Variants in CEP162 observed in about 807,000 individuals in gnomAD.
The protein encoded by CEP162 is centrosomal protein 162.
A neutral mutation model predicts 169.2 loss-of-function variants in CEP162; 141 were observed. The observed-to-expected ratio is 0.83, with a 90% CI of 0.73 to 0.96. The LOEUF (loss-of-function observed/expected upper bound fraction) is 0.96, where lower values mean the gene tolerates loss of function less well. CEP162 is among the 40% of genes least tolerant of loss of function. CEP162 has a pLI of 0.00. For missense variants in CEP162, 1,600 were observed against 1,587.2 expected, an observed-to-expected ratio of 1.01 and a Z score of -0.14; for synonymous variants, 540 against 526.4, an observed-to-expected ratio of 1.03 and a Z score of -0.35.
intron 2 of CEP162, among the ~76,000 whole-genome samples, chr6:84,225,463 G>A (rs559988082): frequency 1.4e-4 from 22 of 152,094 alleles, no homozygotes; most frequent in Admixed American, 2.0e-4. Flanking sequence ...ATAATCTTAC[G>A]GAACCATTGT....
intron 22 of CEP162, among the ~76,000 whole-genome samples, chr6:84,153,743 T>G (rs1733463844): frequency 1.3e-5 from 2 of 152,310 alleles, no homozygotes; most frequent in South Asian, 4.1e-4. Context: ...CAATGGATAT[T>G]TACCAAGTTA....
intron 5 of CEP162, among the ~76,000 whole-genome samples, chr6:84,214,437 T>G (rs2099550763): frequency 6.6e-6 from 1 of 152,210 alleles, no homozygotes; most frequent in African/African-American, 2.4e-5. Context: ...GTACTGCCTT[T>G]GTTCTTTAAT....
Position 84,185,446 on chromosome 6 carries a change from A to G in CEP162, c.1404T>C (p.Thr468=). The change falls in exon 13 of 27, where the codon ACT becomes ACC. Residue 468 remains threonine (T), a splice_region_variant and synonymous_variant. Transcript: ENST00000403245. ...CTTCAGAACTAAGTTGAGATCTGTA[A>G]GTCTGTACACAACAAACAAAAGCTC... ...SLSQDDKINK[T]YRSQLSSEEE... The G allele has an allele frequency of 3.1e-6, 5 of 1,611,948 alleles. No homozygotes were observed. The highest frequency in any genetic ancestry group is 4.2e-6 in the Non-Finnish European group (5 of 1,178,498).
chr6:84,182,313 T>G (rs900640735), intron 13 of CEP162, among the ~76,000 whole-genome samples: 6 of 152,234 alleles, frequency 3.9e-5, no homozygotes, highest in African/African-American at 1.4e-4. Flanking sequence ...AAGCATATAT[T>G]AAGAATTTTT....
intron 2 of CEP162, among the ~76,000 whole-genome samples, chr6:84,222,583 A>T (rs922929104): frequency 6.6e-6 from 1 of 152,238 alleles, no homozygotes; most frequent in Non-Finnish European, 1.5e-5. Flanking sequence ...CTCATGGTGA[A>T]ACTGAAGCTC....
At chr6:84,174,265 C>T (rs920796261) in intron 15 of CEP162, 77 bp from the exon 16 acceptor site, 8 of 1,161,132 alleles carry the variant, frequency 6.9e-6, no homozygotes, top group South Asian at 1.5e-5. Context: ...TAACAGGAAA[C>T]TCCTATTTAG....
In CEP162 at chr6:84,195,092, A is replaced by C. The variant is rs780478677; in HGVS notation, c.836-17T>G. The stretch of plus-strand genomic sequence containing the variant: ...AAGAAACACCTGTTGAAATAAACGT[A>C]ATCACCAGAAATAATTACATCACAA... On this transcript the variant is annotated splice_polypyrimidine_tract_variant and intron_variant, in intron 9 of 26. Transcript: ENST00000403245. The C allele has an allele frequency of 2.0e-6, 3 of 1,521,236 alleles. No individual in the cohort carries two copies. In the South Asian group the frequency reaches 3.7e-5, roughly 19 times the overall value. 94.2% of individuals were successfully genotyped at this position (1,521,236 alleles called of 1,614,324 possible).
At chr6:84,148,225 G>A (rs1360374094) in intron 24 of CEP162, among the ~76,000 whole-genome samples, 2 of 151,712 alleles carry the variant, frequency 1.3e-5, no homozygotes, top group African/African-American at 4.8e-5. Flanking sequence ...TTTTCTCAGC[G>A]ATCTGAAGTT....
chr6:84,150,226 A>AT (rs5877872), intron 23 of CEP162, among the ~76,000 whole-genome samples: 16,140 of 152,140 alleles, frequency 0.11, 1,338 homozygotes, highest in African/African-American at 0.23. Context: ...CAATTAATTA[A>AT]TTGGACTGTA....
chr6:84,216,533 G>A (rs1276283157), intron 3 of CEP162, among the ~76,000 whole-genome samples: 1 of 151,760 alleles, frequency 6.6e-6, no homozygotes, highest in Non-Finnish European at 1.5e-5. Context: ...GGGACGGGAG[G>A]GTATTATAGT....
At chr6:84,224,317 A>G (rs1199337287) in intron 2 of CEP162, among the ~76,000 whole-genome samples, 1 of 152,254 alleles carries the variant, frequency 6.6e-6, no homozygotes, top group Non-Finnish European at 1.5e-5. Flanking sequence ...TACAATTTCT[A>G]TGAAATGTCT....
intron 25 of CEP162, 83 bp from the exon 26 acceptor site, chr6:84,126,595 A>C: frequency 1.9e-6 from 2 of 1,039,470 alleles, no homozygotes; most frequent in Non-Finnish European, 1.3e-6. Context: ...TATTTGTATA[A>C]AATTTCTCTA....
intron 13 of CEP162, among the ~76,000 whole-genome samples, chr6:84,181,390 A>G (rs2099534759): frequency 6.6e-6 from 1 of 152,220 alleles, no homozygotes; most frequent in Non-Finnish European, 1.5e-5. Context: ...ACGTAAAACC[A>G]TAAAAACCCT....
intron 25 of CEP162, among the ~76,000 whole-genome samples, chr6:84,144,310 G>A (rs1040122748): frequency 6.6e-6 from 1 of 151,980 alleles, no homozygotes; most frequent in Non-Finnish European, 1.5e-5. Flanking sequence ...TGTTCCAGAA[G>A]TTGTATACAA....
chr6:84,164,867 A>T (rs1427459394), intron 18 of CEP162, among the ~76,000 whole-genome samples: 1 of 151,104 alleles, frequency 6.6e-6, no homozygotes, highest in African/African-American at 2.5e-5. Context: ...TAAAATAAAC[A>T]AAACAAAACA....
intron 10 of CEP162, 44 bp downstream of exon 10, chr6:84,194,840 G>A: frequency 1.5e-6 from 2 of 1,332,334 alleles, no homozygotes; most frequent in Non-Finnish European, 2.1e-6. Context: ...AAACTCTTTA[G>A]AAAGGATATC....
chr6:84,146,793 A>ATTGT lies in CEP162; in HGVS notation c.3772-12_3772-9dup, dbSNP rs1192049457. On this transcript the variant is annotated splice_polypyrimidine_tract_variant and intron_variant, in intron 24 of 26. Coordinates refer to ENST00000403245, the MANE Select transcript of CEP162 (RefSeq NM_014895.4). ...GAAATGTCTTATAAGTACCTAGGAA[A>ATTGT]TTGTTAGAAGTGCTGAGTTAATAAA... 1.6e-5 allele frequency: 23 copies of ATTGT among 1,447,226 alleles called. No homozygotes were observed. The highest frequency in any genetic ancestry group is 2.1e-5 in the Non-Finnish European group (22 of 1,054,034). 89.6% of individuals were successfully genotyped at this position (1,447,226 alleles called of 1,614,324 possible).
At chr6:84,180,208 G>A (rs961046533) in intron 13 of CEP162, among the ~76,000 whole-genome samples, 2 of 152,056 alleles carry the variant, frequency 1.3e-5, no homozygotes, top group African/African-American at 4.8e-5. Flanking sequence ...ATCAATAAAC[G>A]CAATCCAGCA....
chr6:84,144,941 T>C (rs1373596330), intron 25 of CEP162, among the ~76,000 whole-genome samples: 1 of 152,128 alleles, frequency 6.6e-6, no homozygotes, highest in Non-Finnish European at 1.5e-5. Context: ...GGGACATAAA[T>C]ATTTGCATAA....
Sources: allele counts gnomAD v4.1 joint callset (sites outside exome capture counted in the v4.1 genomes callset), GRCh38; gene constraint gnomAD v4.1.1; transcripts MANE v1.5; gene names NCBI Gene and HGNC (gene_info 2026-07-23, HGNC 2026-07-21).